The following HERC4 variants were observed in gnomAD, a reference collection of about 807,000 sequenced individuals.
HERC4 encodes the protein probable E3 ubiquitin-protein ligase HERC4.
Under a neutral mutation model 124.3 loss-of-function variants are expected in HERC4, and 28 were observed. The observed-to-expected ratio is 0.23, with a 90% confidence interval of 0.17 to 0.31. The LOEUF (loss-of-function observed/expected upper bound fraction) is 0.31, where lower values mean the gene tolerates loss of function less well. Ranked by LOEUF, HERC4 falls within the 10% of genes least tolerant of loss-of-function variation. The pLI, the probability that HERC4 is intolerant of heterozygous loss-of-function variation, is 1.00. For synonymous variants in HERC4, 407 were observed against 421.5 expected (o/e 0.97, Z 0.42); for missense variants, 713 against 1,229.3 (o/e 0.58, Z 6.28).
At chr10:68,063,744 C>A (rs560762314) in intron 3 of HERC4, among the ~76,000 whole-genome samples, 3 of 152,082 alleles carry the variant, frequency 2.0e-5, no homozygotes, top group Non-Finnish European at 4.4e-5. Context: ...TTGAGACCAG[C>A]CTGGTCAACA....
intron 16 of HERC4, chr10:67,959,050 A>T: frequency 7.2e-7 from 1 of 1,382,990 alleles, no homozygotes; most frequent in Admixed American, 2.1e-5. Flanking sequence ...TGGCTCTTCT[A>T]TTACTCAGGA....
At chr10:67,940,609 G>A (rs1421515891) in intron 20 of HERC4, among the ~76,000 whole-genome samples, 1 of 151,852 alleles carries the variant, frequency 6.6e-6, no homozygotes, top group Admixed American at 6.6e-5. Flanking sequence ...AGTATAGATG[G>A]GGTTTCGCCA....
intron 9 of HERC4, chr10:68,010,258 A>T: frequency 9.9e-7 from 1 of 1,010,788 alleles, no homozygotes; most frequent in Non-Finnish European, 1.5e-6. Context: ...GGGGAAAGGC[A>T]CTAAGGAACA....
At chr10:68,005,601 T>TCTTC (rs1352100379) in intron 9 of HERC4, among the ~76,000 whole-genome samples, 1 of 152,144 alleles carries the variant, frequency 6.6e-6, no homozygotes, top group Non-Finnish European at 1.5e-5. Flanking sequence ...TATGGTCTTC[T>TCTTC]CTTCCTTCTT....
chr10:67,962,044 T>A (rs888173165), intron 16 of HERC4, among the ~76,000 whole-genome samples: 3 of 152,134 alleles, frequency 2.0e-5, no homozygotes, highest in African/African-American at 7.2e-5. Flanking sequence ...TGTGGGACTT[T>A]TTTTGAAAAA....
intron 9 of HERC4, chr10:67,995,095 C>T: frequency 3.1e-6 from 1 of 320,344 alleles, no homozygotes; most frequent in Non-Finnish European, 6.1e-6. Context: ...TTTGTGGTTT[C>T]TCCTAACATT....
Position 68,073,169 on chromosome 10 carries a change from GT to G in HERC4, c.-62del. ...AAATTCTCTTCTGAAACCCCGGAAA[GT>G]TGGAGGTACCCTATGTCTGAGGAAA... On this transcript the variant is annotated 5_prime_UTR_variant, in exon 3 of 25. An upstream open reading frame in the 5' UTR loses its in-frame stop. Transcript: ENST00000373700. The G allele has an allele frequency of 7.5e-7, 1 of 1,333,210 alleles. No individual in the cohort carries two copies. Among genetic ancestry groups the G allele is most frequent in the Non-Finnish European group, 1.1e-6 (1 of 944,672 alleles). The allele number at this position is 1,333,210 out of a possible 1,614,324, so 82.6% of individuals were successfully genotyped here.
At chr10:68,034,330 T>C (rs1156607418) in intron 5 of HERC4, 144 bp from the exon 6 acceptor site, 1 of 649,084 alleles carries the variant, frequency 1.5e-6, no homozygotes, top group Non-Finnish European at 2.6e-6. Flanking sequence ...AAATATTATT[T>C]TTAGCAATTA....
chr10:68,021,869 T>G (rs1214465069), intron 8 of HERC4, among the ~76,000 whole-genome samples: 2 of 152,138 alleles, frequency 1.3e-5, no homozygotes, highest in East Asian at 1.9e-4. Flanking sequence ...AATCTCTGTA[T>G]GCAGATGATA....
intron 8 of HERC4, among the ~76,000 whole-genome samples, chr10:68,022,235 C>T (rs1394526652): frequency 6.6e-6 from 1 of 152,162 alleles, no homozygotes; most frequent in Non-Finnish European, 1.5e-5. Context: ...TGTGGGGGCT[C>T]ACGCCTGTAA....
At chr10:68,064,331 A>G (rs1438566546) in intron 3 of HERC4, among the ~76,000 whole-genome samples, 1 of 152,098 alleles carries the variant, frequency 6.6e-6, no homozygotes, top group Non-Finnish European at 1.5e-5. Flanking sequence ...TGGCAGATGG[A>G]TCACCTGAGG....
At chr10:68,024,909 A>G (rs1251113253) in intron 8 of HERC4, among the ~76,000 whole-genome samples, 2 of 152,350 alleles carry the variant, frequency 1.3e-5, no homozygotes, top group Admixed American at 1.3e-4. Flanking sequence ...ACTCCCAAGA[A>G]CTCAGAATAA....
intron 5 of HERC4, among the ~76,000 whole-genome samples, chr10:68,036,160 C>A (rs1249634803): frequency 1.3e-5 from 2 of 150,830 alleles, no homozygotes; most frequent in Admixed American, 1.3e-4. Flanking sequence ...TAAAAAAAAA[C>A]GCAAAAAATT....
intron 4 of HERC4, chr10:68,039,985 A>G: frequency 1.4e-6 from 1 of 738,970 alleles, no homozygotes; most frequent in Admixed American, 5.9e-5. Flanking sequence ...TATTCATTTA[A>G]TATTTGTCTC....
At chr10:68,043,801 G>A (rs1221978709) in intron 4 of HERC4, among the ~76,000 whole-genome samples, 1 of 152,158 alleles carries the variant, frequency 6.6e-6, no homozygotes, top group Non-Finnish European at 1.5e-5. Flanking sequence ...AGGCAACAGT[G>A]CGAGACTCTG....
At chr10:68,021,764 C>T (rs1000239131) in intron 8 of HERC4, among the ~76,000 whole-genome samples, 14 of 151,946 alleles carry the variant, frequency 9.2e-5, no homozygotes, top group African/African-American at 1.9e-4. Context: ...GCCGAGATCA[C>T]GCCATTGCAC....
intron 3 of HERC4, among the ~76,000 whole-genome samples, chr10:68,053,445 G>C (rs932352611): frequency 1.3e-5 from 2 of 151,612 alleles, no homozygotes; most frequent in African/African-American, 4.8e-5. Context: ...CTGGGACCAC[G>C]GACATGAGCT....
chr10:68,021,528 G>A (rs1027237063), intron 8 of HERC4, among the ~76,000 whole-genome samples: 4 of 152,164 alleles, frequency 2.6e-5, no homozygotes, highest in Non-Finnish European at 5.9e-5. Context: ...GAAATAAAAT[G>A]CTGCGTGCAG....
chr10:68,019,568 C>T (rs1589340821), intron 8 of HERC4, among the ~76,000 whole-genome samples: 1 of 151,942 alleles, frequency 6.6e-6, no homozygotes, highest in East Asian at 1.9e-4. Context: ...AATCTGTTTC[C>T]CACCTAGACA....
Sources: gnomAD v4.1 joint callset for allele counts (sites outside exome capture counted in the v4.1 genomes callset) on GRCh38, gnomAD v4.1.1 for gene constraint, MANE v1.5 for transcripts, NCBI Gene and HGNC (gene_info 2026-07-23, HGNC 2026-07-21) for gene names.